The following LUZP1 variants were observed in gnomAD, a reference collection of about 807,000 sequenced individuals.
LUZP1 encodes the protein filamin mechanobinding actin cross-linking protein.
In LUZP1, 25 loss-of-function variants were observed where a neutral mutation model predicts 71.3. The observed-to-expected ratio is 0.35, with a 90% CI of 0.26 to 0.49. The LOEUF is 0.49. Ranked by LOEUF, LUZP1 falls within the 20% of genes least tolerant of loss-of-function variation. The probability of loss-of-function intolerance (pLI) is 0.99; values close to 1 mark genes in which losing one functional copy is unlikely to be tolerated. For missense variants in LUZP1, 1,142 were observed against 1,300.8 expected, an observed-to-expected ratio of 0.88 and a Z score of 1.88; for synonymous variants, 481 against 506.4, an observed-to-expected ratio of 0.95 and a Z score of 0.67.
intron 2 of LUZP1, among the ~76,000 whole-genome samples, chr1:23,121,199 G>A (rs1030278898): frequency 3.3e-5 from 5 of 152,184 alleles, no homozygotes; most frequent in African/African-American, 1.2e-4. Context: ...TTGGCACTTA[G>A]GTAGGTAGTT....
At chr1:23,096,265 G>C (rs1643891411) in intron 3 of LUZP1, among the ~76,000 whole-genome samples, 1 of 152,056 alleles carries the variant, frequency 6.6e-6, no homozygotes, top group African/African-American at 2.4e-5. Flanking sequence ...TATTAATAGT[G>C]GTCAAGAGAG....
At chr1:23,117,354 A>G (rs1009882164) in intron 2 of LUZP1, among the ~76,000 whole-genome samples, 22 of 151,828 alleles carry the variant, frequency 1.4e-4, no homozygotes, top group African/African-American at 5.3e-4. Flanking sequence ...ATATAAAAAT[A>G]TACATTAAAT....
intron 2 of LUZP1, among the ~76,000 whole-genome samples, chr1:23,129,390 T>C (rs1187566792): frequency 2.6e-5 from 4 of 152,210 alleles, no homozygotes; most frequent in African/African-American, 9.7e-5. Context: ...GAGACCAGCC[T>C]GACCAACATG....
intron 2 of LUZP1, among the ~76,000 whole-genome samples, chr1:23,111,580 G>A (rs188067920): frequency 5.7e-4 from 87 of 152,174 alleles, no homozygotes; most frequent in Admixed American, 4.0e-3. Flanking sequence ...TTTTAAAAAC[G>A]ATCTATACCA....
intron 1 of LUZP1, among the ~76,000 whole-genome samples, chr1:23,173,489 GA>G: frequency 6.6e-6 from 1 of 151,306 alleles, no homozygotes; most frequent in South Asian, 2.1e-4. Flanking sequence ...AAGTAGCTGG[GA>G]TAACAGGTGC....
chr1:23,155,504 T>C (rs1333788490), intron 2 of LUZP1, among the ~76,000 whole-genome samples: 1 of 152,236 alleles, frequency 6.6e-6, no homozygotes, highest in African/African-American at 2.4e-5. Context: ...TAATAATAGT[T>C]ATCCTCATTA....
intron 3 of LUZP1, among the ~76,000 whole-genome samples, chr1:23,097,954 C>G (rs574737356): frequency 6.6e-6 from 1 of 152,116 alleles, no homozygotes; most frequent in Admixed American, 6.5e-5. Context: ...TGGAGATGAC[C>G]GCAGATGGAG....
intron 2 of LUZP1, among the ~76,000 whole-genome samples, chr1:23,138,609 T>A (rs1274066236): frequency 6.6e-6 from 1 of 151,928 alleles, no homozygotes. Flanking sequence ...GTATTTTTTT[T>A]AAAGCACCGA....
exon 4 of LUZP1, chr1:23,092,383 C>A (rs777550143): frequency 6.2e-7 from 1 of 1,614,190 alleles, no homozygotes; most frequent in Admixed American, 1.7e-5. Flanking sequence ...GGTTGATTAA[C>A]CCCTTCTTTA....
At chr1:23,123,323 C>T (rs1644145086) in intron 2 of LUZP1, among the ~76,000 whole-genome samples, 1 of 152,014 alleles carries the variant, frequency 6.6e-6, no homozygotes, top group Non-Finnish European at 1.5e-5. Flanking sequence ...GAAACCCCGT[C>T]TCTACTAAAA....
intron 2 of LUZP1, among the ~76,000 whole-genome samples, chr1:23,162,379 C>G (rs1194405770): frequency 6.6e-6 from 1 of 151,644 alleles, no homozygotes; most frequent in African/African-American, 2.4e-5. Flanking sequence ...CTTTTACATG[C>G]ATTTTTCTGT....
chr1:23,136,363 GA>G (rs1644253043), intron 2 of LUZP1, among the ~76,000 whole-genome samples: 1 of 140,958 alleles, frequency 7.1e-6, no homozygotes, highest in Non-Finnish European at 1.5e-5. Context: ...CATTAAAGAG[GA>G]AAAAACAAAA....
chr1:23,166,048 CAAA>C (rs76454136), intron 2 of LUZP1, among the ~76,000 whole-genome samples: 8 of 98,508 alleles, frequency 8.1e-5, no homozygotes, highest in Admixed American at 1.1e-4. Context: ...GTCTTTTTAC[CAAA>C]AAAAAAAAAA....
intron 2 of LUZP1, among the ~76,000 whole-genome samples, chr1:23,168,516 A>AG (rs1491091078): frequency 4.9e-5 from 7 of 142,514 alleles, no homozygotes; most frequent in African/African-American, 1.9e-4. Flanking sequence ...AAATCTCCTC[A>AG]GAGTCTCTTC....
At chr1:23,112,397 C>T (rs993421735) in intron 2 of LUZP1, among the ~76,000 whole-genome samples, 1 of 152,196 alleles carries the variant, frequency 6.6e-6, no homozygotes, top group Non-Finnish European at 1.5e-5. Flanking sequence ...GAAGCAGAGA[C>T]TGAAGGATCC....
chr1:23,112,656 A>G (rs1644043082), intron 2 of LUZP1, among the ~76,000 whole-genome samples: 1 of 152,352 alleles, frequency 6.6e-6, no homozygotes, highest in East Asian at 1.9e-4. Context: ...GATTTTGAAA[A>G]TAAGTTGAAA....
chr1:23,158,218 C>T (rs1644435572), intron 2 of LUZP1, among the ~76,000 whole-genome samples: 1 of 152,066 alleles, frequency 6.6e-6, no homozygotes, highest in Non-Finnish European at 1.5e-5. Context: ...CCAGAGTGCC[C>T]CTGAAGGCAC....
intron 2 of LUZP1, among the ~76,000 whole-genome samples, chr1:23,115,790 C>G (rs1644073052): frequency 6.6e-6 from 1 of 152,134 alleles, no homozygotes; most frequent in Non-Finnish European, 1.5e-5. Flanking sequence ...AATCCACCCA[C>G]CTCAGCCTCC....
intron 1 of LUZP1, among the ~76,000 whole-genome samples, chr1:23,176,638 G>C (rs1198488891): frequency 6.6e-6 from 1 of 152,112 alleles, no homozygotes; most frequent in African/African-American, 2.4e-5. Context: ...CAGAACCTCA[G>C]AAAGAGACAC....
Sources: gnomAD v4.1 joint callset for allele counts (sites outside exome capture counted in the v4.1 genomes callset) on GRCh38, gnomAD v4.1.1 for gene constraint, MANE v1.5 for transcripts, NCBI Gene and HGNC (gene_info 2026-07-23, HGNC 2026-07-21) for gene names.